Variants in GRM7 observed in about 807,000 individuals in gnomAD.
GRM7 encodes metabotropic glutamate receptor 7.
A neutral mutation model predicts 84.5 loss-of-function variants in GRM7; 35 were observed. The ratio of observed to expected loss-of-function variants is 0.41; its 90% CI spans 0.32 to 0.55. The LOEUF (loss-of-function observed/expected upper bound fraction) is 0.55. Ranked by LOEUF, GRM7 falls within the 20% of genes least tolerant of loss-of-function variation. The probability of loss-of-function intolerance (pLI) is 0.19; values close to 1 mark genes in which losing one functional copy is unlikely to be tolerated. For synonymous variants in GRM7, 487 were observed against 455.1 expected (o/e 1.07, Z -0.89); for missense variants, 1,003 against 1,194.6 (o/e 0.84, Z 2.36).
At chr3:7,472,856 T>C (rs1424763300) in intron 7 of GRM7, among the ~76,000 whole-genome samples, 1 of 152,216 alleles carries the variant, frequency 6.6e-6, no homozygotes, top group Non-Finnish European at 1.5e-5. Context: ...TATGATCTTT[T>C]ATTCCTCCTT....
At chr3:7,633,051 T>A (rs879519478) in intron 8 of GRM7, among the ~76,000 whole-genome samples, 1 of 152,278 alleles carries the variant, frequency 6.6e-6, no homozygotes, top group Non-Finnish European at 1.5e-5. Context: ...TGATGCTTAC[T>A]CTGAAGAAGG....
intron 4 of GRM7, among the ~76,000 whole-genome samples, chr3:7,341,566 G>A (rs1461386209): frequency 5.3e-5 from 8 of 151,888 alleles, no homozygotes; most frequent in Non-Finnish European, 1.2e-4. Context: ...CTAGTATATA[G>A]AGGTAAACTT....
chr3:7,615,601 G>A (rs1697044686), intron 8 of GRM7, among the ~76,000 whole-genome samples: 2 of 152,076 alleles, frequency 1.3e-5, no homozygotes, highest in African/African-American at 4.8e-5. Flanking sequence ...GAGTAAGGCT[G>A]GTTTTTATGA....
At chr3:7,057,495 C>A (rs1233482364) in intron 1 of GRM7, among the ~76,000 whole-genome samples, 3 of 151,828 alleles carry the variant, frequency 2.0e-5, no homozygotes, top group Non-Finnish European at 4.4e-5. Flanking sequence ...TAATTTTCAT[C>A]TGAATCTCAG....
At chr3:7,421,483 T>A (rs1056441943) in intron 5 of GRM7, among the ~76,000 whole-genome samples, 6 of 152,244 alleles carry the variant, frequency 3.9e-5, no homozygotes, top group Non-Finnish European at 7.3e-5. Context: ...TCAATCTTTT[T>A]AAAACCCCTT....
intron 1 of GRM7, among the ~76,000 whole-genome samples, chr3:7,063,712 C>T (rs111438478): frequency 3.2e-3 from 160 of 49,640 alleles, no homozygotes; most frequent in African/African-American, 0.016. Flanking sequence ...GGTGAAACTC[C>T]CAGTTGGGAG....
rs180850012 is a variant in GRM7 at position 6,862,977 on chromosome 3, C to A, written c.519+1070C>A. 25 of 456,448 alleles carry A rather than the reference C, an allele frequency of 5.5e-5. No homozygotes were observed. The East Asian group carries it at 1.5e-3, about 28-fold the overall frequency. The allele number at this position is 456,448 out of a possible 1,614,324, so 28.3% of individuals were successfully genotyped here. ...TCGCCTCCTGCTCCAGCAGCCTCTG[C>A]CCCATGGCTCCTGAGCTGCACTGGG... On this transcript the variant is annotated intron_variant, in intron 1 of 9. Coordinates refer to ENST00000357716, the MANE Select transcript of GRM7 (RefSeq NM_000844.4). The surrounding 1 kb of genome is among the most constrained non-coding windows in gnomAD (Gnocchi z 5.2).
intron 2 of GRM7, among the ~76,000 whole-genome samples, chr3:7,179,113 A>T (rs1231735955): frequency 1.3e-5 from 2 of 152,036 alleles, no homozygotes; most frequent in African/African-American, 4.8e-5. Flanking sequence ...TTAAAAAAAT[A>T]AAAAAATGTT....
At chr3:7,342,298 A>G (rs1437394893) in intron 4 of GRM7, among the ~76,000 whole-genome samples, 1 of 152,164 alleles carries the variant, frequency 6.6e-6, no homozygotes, top group Admixed American at 6.5e-5. Context: ...CAATCCAGAC[A>G]TCAAAACTTG....
At chr3:7,483,136 A>G (rs1699195752) in intron 7 of GRM7, among the ~76,000 whole-genome samples, 1 of 152,190 alleles carries the variant, frequency 6.6e-6, no homozygotes, top group Non-Finnish European at 1.5e-5. Context: ...CAACTACTCT[A>G]TGCCAAGTTG....
At chr3:7,646,454 A>T (rs1347163806) in intron 8 of GRM7, among the ~76,000 whole-genome samples, 1 of 152,044 alleles carries the variant, frequency 6.6e-6, no homozygotes, top group Non-Finnish European at 1.5e-5. Flanking sequence ...AGCCTCCCAA[A>T]GTGCTTGGAT....
intron 7 of GRM7, among the ~76,000 whole-genome samples, chr3:7,477,723 A>G (rs147360044): frequency 6.6e-6 from 1 of 152,140 alleles, no homozygotes. Context: ...TTGAAATATC[A>G]TTTGAATGTT....
At chr3:7,710,931 G>C (rs1701557450) in intron 9 of GRM7, among the ~76,000 whole-genome samples, 3 of 152,110 alleles carry the variant, frequency 2.0e-5, no homozygotes, top group East Asian at 1.9e-4. Flanking sequence ...ACTTCGCTTA[G>C]AGTCACGTTT....
chr3:6,996,938 C>G (rs1694847131), intron 1 of GRM7, among the ~76,000 whole-genome samples: 1 of 152,174 alleles, frequency 6.6e-6, no homozygotes, highest in Non-Finnish European at 1.5e-5. Flanking sequence ...ATTCCCTGTC[C>G]TACCTACAAA....
chr3:6,882,247 T>C (rs1244474916), intron 1 of GRM7, among the ~76,000 whole-genome samples: 1 of 152,222 alleles, frequency 6.6e-6, no homozygotes, highest in Non-Finnish European at 1.5e-5. Flanking sequence ...GATTTTCTTT[T>C]GTACAAATAC....
Position 7,578,677 on chromosome 3 carries a change from G to A in GRM7, c.1771G>A (p.Ala591Thr), listed in dbSNP as rs202220590. ...IIKLEWHSPWAVIPVFLAMLG... is the reference protein window; with the variant it reads ...IIKLEWHSPWTVIPVFLAMLG... Reference sequence around the variant, plus strand: ...CAAACTGGAGTGGCACTCCCCCTGGGCTGTGATTCCTGTCTTCCTGGCAAT... The same window carrying A: ...CAAACTGGAGTGGCACTCCCCCTGGACTGTGATTCCTGTCTTCCTGGCAAT... Residue 591 changes from alanine (A) to threonine (T), a missense_variant, in exon 8 of 10, where the codon GCT becomes ACT. Physicochemically the swap from Ala to Thr is moderately conservative, Grantham distance 58 (BLOSUM62 0). Coordinates refer to ENST00000357716, the MANE Select transcript of GRM7 (RefSeq NM_000844.4). 3 of 1,614,060 alleles carry A rather than the reference G, an allele frequency of 1.9e-6. No homozygotes were observed. The highest frequency in any genetic ancestry group is 2.5e-6 in the Non-Finnish European group (3 of 1,179,960).
chr3:7,146,522 G>A lies in GRM7; in HGVS notation c.590G>A (p.Arg197His). Residue 197 changes from arginine (R) to histidine (H), a missense_variant, in exon 2 of 10, where the codon CGC becomes CAC. By Grantham distance (29) the Arg-to-His change is conservative. Coordinates refer to ENST00000357716, the MANE Select transcript of GRM7 (RefSeq NM_000844.4). The stretch of plus-strand genomic sequence containing the variant: ...GACCGGCGCTATGACTTCTTCTCTC[G>A]CGTGGTGCCACCCGATTCCTTCCAA... ...SDDRRYDFFS[R>H]VVPPDSFQAQ... 1.2e-6 allele frequency: 2 copies of A among 1,613,902 alleles called. No individual in the cohort carries two copies. Among genetic ancestry groups the A allele is most frequent in the Non-Finnish European group, 1.7e-6 (2 of 1,179,936 alleles).
chr3:7,712,114 C>G (rs1012406806), intron 9 of GRM7, among the ~76,000 whole-genome samples: 2 of 152,152 alleles, frequency 1.3e-5, no homozygotes, highest in African/African-American at 4.8e-5. Flanking sequence ...GTTCCCCGTG[C>G]CAGCGGCAGT....
At chr3:7,032,578 A>T (rs1447865611) in intron 1 of GRM7, among the ~76,000 whole-genome samples, 1 of 152,106 alleles carries the variant, frequency 6.6e-6, no homozygotes, top group Non-Finnish European at 1.5e-5. Flanking sequence ...TTTTGAGTCA[A>T]ATTTCCCAGG....
Sources: gnomAD v4.1 joint callset for allele counts (sites outside exome capture counted in the v4.1 genomes callset) on GRCh38, gnomAD v4.1.1 for gene constraint, Gnocchi (gnomAD v3.1) non-coding constraint, MANE v1.5 for transcripts, NCBI Gene and HGNC (gene_info 2026-07-23, HGNC 2026-07-21) for gene names.